The following FLACC1 variants were observed in gnomAD, a reference collection of about 807,000 sequenced individuals.
FLACC1 encodes the protein flagellum associated containing coiled-coil domains 1, also known as flagellum-associated coiled-coil domain-containing protein 1.
A neutral mutation model predicts 62.8 loss-of-function variants in FLACC1; 66 were observed. The observed-to-expected ratio is 1.05, with a 90% CI of 0.86 to 1.29. The LOEUF is 1.29. Among genes scored for constraint, FLACC1 ranks in the 50% most tolerant of loss-of-function variants. The pLI is 0.00. For missense variants in FLACC1, 452 were observed against 489.1 expected, an observed-to-expected ratio of 0.92 and a Z score of 0.71; for synonymous variants, 156 against 161.0, an observed-to-expected ratio of 0.97 and a Z score of 0.24.
At chr2:201,306,296 A>C (rs1028014418) in intron 11 of FLACC1, among the ~76,000 whole-genome samples, 5 of 152,002 alleles carry the variant, frequency 3.3e-5, no homozygotes, top group African/African-American at 1.2e-4. Flanking sequence ...CTATCACGAG[A>C]ACAGAAAGGG....
chr2:201,352,976 C>T (rs1015289665), intron 1 of FLACC1, among the ~76,000 whole-genome samples: 3 of 152,270 alleles, frequency 2.0e-5, no homozygotes, highest in Admixed American at 6.5e-5. Flanking sequence ...CTGGAGCCTC[C>T]GGAAGGAATG....
the FLACC1 span, among the ~76,000 whole-genome samples, chr2:201,363,181 C>T: frequency 6.6e-6 from 1 of 151,812 alleles, no homozygotes; most frequent in Admixed American, 6.6e-5. Context: ...TGTGGTACAG[C>T]GTGGCTCTCT....
intron 9 of FLACC1, among the ~76,000 whole-genome samples, chr2:201,323,067 A>G (rs1319340231): frequency 6.6e-6 from 1 of 152,164 alleles, no homozygotes; most frequent in Non-Finnish European, 1.5e-5. Context: ...AAAGAAATGA[A>G]CAAAGTCTTC....
At chr2:201,340,781 A>G (rs912426989) in intron 7 of FLACC1, among the ~76,000 whole-genome samples, 28 of 152,060 alleles carry the variant, frequency 1.8e-4, no homozygotes, top group South Asian at 4.2e-4. Flanking sequence ...TCCTTTTGCA[A>G]TTTCTGTAAG....
At chr2:201,359,624 G>A (rs1951167586), upstream of FLACC1, among the ~76,000 whole-genome samples, 2 of 152,150 alleles carry the variant, frequency 1.3e-5, no homozygotes, top group African/African-American at 2.4e-5. Context: ...AGAGTCTGGA[G>A]GCAGTGCTAT....
intron 6 of FLACC1, among the ~76,000 whole-genome samples, chr2:201,342,742 A>G (rs535648748): frequency 6.6e-6 from 1 of 152,328 alleles, no homozygotes; most frequent in South Asian, 2.1e-4. Context: ...CATTTCTGTT[A>G]CATCATGGCC....
the FLACC1 span, among the ~76,000 whole-genome samples, chr2:201,363,908 T>C: frequency 6.6e-6 from 1 of 152,224 alleles, no homozygotes; most frequent in African/African-American, 2.4e-5. Flanking sequence ...TCTCCCTCAG[T>C]GCTGGTACTT....
intron 3 of FLACC1, among the ~76,000 whole-genome samples, chr2:201,350,128 G>A (rs1559422335): frequency 1.3e-5 from 2 of 152,230 alleles, no homozygotes; most frequent in South Asian, 4.1e-4. Context: ...GCTCACGACT[G>A]TAATCCCAGC....
chr2:201,322,226 T>C (rs1576445225), intron 9 of FLACC1, among the ~76,000 whole-genome samples: 3 of 147,752 alleles, frequency 2.0e-5, no homozygotes, highest in Admixed American at 6.8e-5. Flanking sequence ...ATCATGACAC[T>C]GCACTCCAGC....
intron 9 of FLACC1, among the ~76,000 whole-genome samples, chr2:201,314,502 T>C (rs1318635663): frequency 1.3e-5 from 2 of 151,954 alleles, no homozygotes; most frequent in Middle Eastern, 3.2e-3. Context: ...GAAAAAAGAA[T>C]AAGAAAATAT....
At chr2:201,351,116 G>C (rs574692221) in intron 2 of FLACC1, among the ~76,000 whole-genome samples, 176 bp downstream of exon 2, 20 of 152,334 alleles carry the variant, frequency 1.3e-4, no homozygotes, top group African/African-American at 4.8e-4. Context: ...CCCAGGCAGG[G>C]CTGGCAAGAT....
At chr2:201,290,756 G>A (rs911836686) in intron 12 of FLACC1, among the ~76,000 whole-genome samples, 1 of 152,202 alleles carries the variant, frequency 6.6e-6, no homozygotes, top group Non-Finnish European at 1.5e-5. Flanking sequence ...GAAGTGCAAG[G>A]GGTCAGGGAA....
At chr2:201,342,925 T>G (rs952188855) in intron 6 of FLACC1, among the ~76,000 whole-genome samples, 21 of 152,344 alleles carry the variant, frequency 1.4e-4, no homozygotes, top group African/African-American at 5.0e-4. Context: ...TTTGCTCACT[T>G]TCAGGTGATA....
chr2:201,353,845 G>T (rs1951072323), intron 1 of FLACC1, among the ~76,000 whole-genome samples: 2 of 152,142 alleles, frequency 1.3e-5, no homozygotes. Context: ...GGATTCTCCT[G>T]CCTCGGCCTC....
At chr2:201,289,919 G>T (rs1280853328) in intron 12 of FLACC1, 134 bp from the exon 13 acceptor site, 4 of 1,499,490 alleles carry the variant, frequency 2.7e-6, no homozygotes, top group African/African-American at 2.8e-5. Context: ...CTCACACCCT[G>T]TCAGTCCTGC....
intron 9 of FLACC1, among the ~76,000 whole-genome samples, chr2:201,324,910 T>C (rs745368813): frequency 3.7e-4 from 57 of 152,202 alleles, no homozygotes; most frequent in Admixed American, 8.5e-4. Context: ...GGTGGATCAC[T>C]TGAGGCCAGG....
intron 7 of FLACC1, among the ~76,000 whole-genome samples, chr2:201,337,788 G>C (rs997571128): frequency 6.6e-6 from 1 of 152,184 alleles, no homozygotes. Context: ...CTCCCAAAGT[G>C]CTGGGATTAC....
At chr2:201,316,732 A>C (rs1409010288) in intron 9 of FLACC1, among the ~76,000 whole-genome samples, 5 of 152,114 alleles carry the variant, frequency 3.3e-5, no homozygotes, top group Non-Finnish European at 7.4e-5. Flanking sequence ...AATACTAAAA[A>C]CAGGAAAAGA....
chr2:201,336,889 T>C (rs1409439726), intron 7 of FLACC1, among the ~76,000 whole-genome samples: 1 of 152,234 alleles, frequency 6.6e-6, no homozygotes, highest in African/African-American at 2.4e-5. Context: ...TATATTTCCC[T>C]GATGATTAGT....
Sources: gnomAD v4.1 joint callset for allele counts (sites outside exome capture counted in the v4.1 genomes callset) on GRCh38, gnomAD v4.1.1 for gene constraint, MANE v1.5 for transcripts, NCBI Gene and HGNC (gene_info 2026-07-23, HGNC 2026-07-21) for gene names.